The following APLP2 variants were observed in gnomAD, a reference collection of about 807,000 sequenced individuals.
APLP2 encodes amyloid beta precursor like protein 2.
Under a neutral mutation model 89.9 loss-of-function variants are expected in APLP2, and 53 were observed. The observed-to-expected ratio is 0.59, with a 90% confidence interval of 0.47 to 0.74. The LOEUF is 0.74. Ranked by LOEUF, APLP2 falls within the 30% of genes least tolerant of loss-of-function variation. The pLI, the probability that APLP2 is intolerant of heterozygous loss-of-function variation, is 0.00. For missense variants in APLP2, 973 were observed against 975.9 expected, an observed-to-expected ratio of 1.00 and a Z score of 0.04; for synonymous variants, 372 against 348.6, an observed-to-expected ratio of 1.07 and a Z score of -0.75.
intron 1 of APLP2, among the ~76,000 whole-genome samples, chr11:130,079,580 A>G (rs1942804492): frequency 1.3e-5 from 2 of 152,178 alleles, no homozygotes; most frequent in South Asian, 4.1e-4. Flanking sequence ...GAAAAATACA[A>G]TTGATATTTT....
intron 1 of APLP2, among the ~76,000 whole-genome samples, chr11:130,077,399 A>T (rs1196458095): frequency 6.6e-6 from 1 of 152,200 alleles, no homozygotes; most frequent in East Asian, 1.9e-4. Flanking sequence ...GTATTTTCAC[A>T]TATTTTATGC....
At chr11:130,077,686 A>C (rs555979328) in intron 1 of APLP2, among the ~76,000 whole-genome samples, 1 of 152,248 alleles carries the variant, frequency 6.6e-6, no homozygotes, top group Middle Eastern at 3.4e-3. Context: ...AACTTTCCAG[A>C]AGTAACTCTT....
rs746803432 is a variant in APLP2, at chr11:130,110,524, T to C, written c.280-14T>C. 1 of 1,611,868 alleles carries C rather than the reference T, an allele frequency of 6.2e-7. No homozygotes were observed. Among genetic ancestry groups the C allele is most frequent in the East Asian group, 2.2e-5 (1 of 44,868 alleles). ...CAGATTGATTTATTGTGTGTGTGTT[T>C]GTTTTCTTAACAGATGTATCCAGAG... is the stretch of plus-strand genomic sequence containing the variant. On this transcript the variant is annotated splice_polypyrimidine_tract_variant and intron_variant, in intron 2 of 16. Coordinates refer to ENST00000338167, the MANE Select transcript of APLP2 (RefSeq NM_001142276.2).
At chr11:130,106,127 C>G (rs1255708323) in intron 1 of APLP2, among the ~76,000 whole-genome samples, 1 of 152,198 alleles carries the variant, frequency 6.6e-6, no homozygotes, top group Admixed American at 6.5e-5. Context: ...AAAGACAGAT[C>G]TTATGGAATA....
intron 1 of APLP2, among the ~76,000 whole-genome samples, chr11:130,079,891 G>A (rs1942873009): frequency 6.6e-6 from 1 of 152,168 alleles, no homozygotes; most frequent in Non-Finnish European, 1.5e-5. Flanking sequence ...ATAAGGAAGA[G>A]TTTATATTCT....
rs1949840336 is a variant in APLP2, at chr11:130,121,713, A to T, written c.616A>T (p.Thr206Ser). ...HGTEYVCCPQ[T>S]KIIGSVSKEE... ...CACTGAATATGTGTGCTGCCCTCAG[A>T]CAAAGATTATTGGATCTGTGTCAAA... Residue 206 changes from threonine (T) to serine (S), a missense_variant, in exon 5 of 17, where the codon ACA (threonine) becomes TCA (serine). Thr to Ser is a moderately conservative substitution (Grantham distance 58, BLOSUM62 1). Transcript: ENST00000338167. 2 of 1,614,152 alleles carry T rather than the reference A, an allele frequency of 1.2e-6. No homozygotes were observed. The highest frequency in any genetic ancestry group is 1.7e-6 in the Non-Finnish European group (2 of 1,180,018).
At chr11:130,089,372 T>G (rs1944568492) in intron 1 of APLP2, among the ~76,000 whole-genome samples, 1 of 152,128 alleles carries the variant, frequency 6.6e-6, no homozygotes, top group African/African-American at 2.4e-5. Flanking sequence ...GGAGAAGAGT[T>G]CTGAAGGCTC....
intron 14 of APLP2, 122 bp downstream of exon 14, chr11:130,140,605 T>G (rs1187921521): frequency 4.3e-6 from 3 of 694,438 alleles, no homozygotes; most frequent in Non-Finnish European, 2.3e-6. Context: ...AGTAGAAGGT[T>G]GGAGGGCTCC....
intron 1 of APLP2, among the ~76,000 whole-genome samples, chr11:130,095,841 G>A (rs1201234015): frequency 3.3e-5 from 5 of 152,206 alleles, no homozygotes; most frequent in Non-Finnish European, 7.3e-5. Flanking sequence ...GAAACCAAGA[G>A]CATAGACTTT....
chr11:130,130,185 A>G lies in APLP2; in HGVS notation c.1584+19A>G, dbSNP rs776360913. On this transcript the variant is annotated intron_variant, in intron 11 of 16. Transcript: ENST00000338167. ...ATCCCAGGTACAGTAGATGTAGTAG[A>G]AATTGCTGCCGTGAGGGCATTTCCA... 4.3e-6 allele frequency: 7 copies of G among 1,614,108 alleles called. No homozygotes were observed. In the East Asian group the frequency reaches 1.3e-4, roughly 31 times the overall value.
intron 1 of APLP2, among the ~76,000 whole-genome samples, chr11:130,070,408 GC>G (rs1169919420): frequency 7.0e-6 from 1 of 143,280 alleles, no homozygotes; most frequent in African/African-American, 2.5e-5. Flanking sequence ...CCGGGCGCCC[GC>G]CCCGCCCTCC....
At position 130,135,566 on chromosome 11, in the gene APLP2, A is replaced by T. The variant is rs1324495628; in HGVS notation, c.1688A>T (p.Glu563Val). Residue 563 changes from glutamate (E) to valine (V), a missense_variant, in exon 13 of 17, where the codon GAG becomes GTG. Transcript: ENST00000338167. Reference protein sequence around the residue: ...VAQEIQEEIDELLQEQRADMD... With the variant: ...VAQEIQEEIDVLLQEQRADMD... ...TCCCCTGCCCTGTCTTCATCAGATGAGCTCCTTCAGGAGCAGCGTGCAGAT... is the reference window on the plus strand; with the variant it reads ...TCCCCTGCCCTGTCTTCATCAGATGTGCTCCTTCAGGAGCAGCGTGCAGAT... 1 of 1,613,966 alleles carries T rather than the reference A, an allele frequency of 6.2e-7. No individual in the cohort carries two copies. The highest frequency in any genetic ancestry group is 8.5e-7 in the Non-Finnish European group (1 of 1,179,956).
Position 130,123,877 on chromosome 11 carries a change from C to A in APLP2, c.1090+98C>A. 1 of 1,348,018 alleles carries A rather than the reference C, an allele frequency of 7.4e-7. No individual in the cohort carries two copies. Among genetic ancestry groups the A allele is most frequent in the Non-Finnish European group, 1.0e-6 (1 of 969,740 alleles). 83.5% of individuals were successfully genotyped at this position (1,348,018 alleles called of 1,614,324 possible). On this transcript the variant is annotated intron_variant, in intron 7 of 16. Transcript: ENST00000338167. The surrounding 1 kb of genome is among the most constrained non-coding windows in gnomAD (Gnocchi z 4.0). ...TGGCTGCATCTGTGTGGTGTCCCTG[C>A]CCACTCGGGTGTTTGCTGTCGGTCG...
At chr11:130,087,022 T>C (rs1189558703) in intron 1 of APLP2, among the ~76,000 whole-genome samples, 3 of 152,250 alleles carry the variant, frequency 2.0e-5, no homozygotes, top group Non-Finnish European at 4.4e-5. Context: ...AAGTATTGCA[T>C]TGAATCTGTA....
At chr11:130,075,250 A>G (rs1565545475) in intron 1 of APLP2, among the ~76,000 whole-genome samples, 1 of 152,226 alleles carries the variant, frequency 6.6e-6, no homozygotes, top group Non-Finnish European at 1.5e-5. Context: ...CCTGGGCTCA[A>G]GTGATCCTCC....
intron 1 of APLP2, among the ~76,000 whole-genome samples, chr11:130,076,563 C>T (rs1483009260): frequency 1.3e-5 from 2 of 152,120 alleles, no homozygotes; most frequent in East Asian, 1.9e-4. Flanking sequence ...AATCAGTGGC[C>T]AGTGACCAGT....
chr11:130,113,553 A>T (rs905452295), intron 3 of APLP2, among the ~76,000 whole-genome samples: 1 of 152,166 alleles, frequency 6.6e-6, no homozygotes, highest in African/African-American at 2.4e-5. Context: ...GCCTAAACGA[A>T]TAAGGGGTGA....
chr11:130,107,395 A>G (rs559908937), intron 1 of APLP2, among the ~76,000 whole-genome samples: 32 of 151,980 alleles, frequency 2.1e-4, no homozygotes, highest in Non-Finnish European at 4.0e-4. Flanking sequence ...TCAATGTGCA[A>G]AAATCACAAG....
intron 3 of APLP2, among the ~76,000 whole-genome samples, chr11:130,116,959 GTC>G (rs1949256681): frequency 6.6e-6 from 1 of 151,762 alleles, no homozygotes; most frequent in African/African-American, 2.4e-5. Context: ...GTGAAACCCC[GTC>G]TCTACTAAAA....
Sources: gnomAD v4.1 joint callset for allele counts (sites outside exome capture counted in the v4.1 genomes callset) on GRCh38, gnomAD v4.1.1 for gene constraint, Gnocchi (gnomAD v3.1) non-coding constraint, MANE v1.5 for transcripts, NCBI Gene and HGNC (gene_info 2026-07-23, HGNC 2026-07-21) for gene names.